The following PKHD1L1 variants were observed in gnomAD, a reference collection of about 807,000 sequenced individuals.
PKHD1L1 encodes the protein PKHD1 like 1.
PKHD1L1 carries 434 observed loss-of-function variants against 462.9 expected under a neutral mutation model. The ratio of observed to expected loss-of-function variants is 0.94; its 90% CI spans 0.87 to 1.02. PKHD1L1 has a LOEUF of 1.02. PKHD1L1 is among the 50% of genes least tolerant of loss of function. PKHD1L1 has a pLI of 0.00. For missense variants in PKHD1L1, 5,202 were observed against 5,096.1 expected (o/e 1.02, Z -0.63); for synonymous variants, 1,781 against 1,750.0 (o/e 1.02, Z -0.44).
chr8:109,459,744 T>A lies in PKHD1L1; in HGVS notation c.7154T>A (p.Val2385Asp). 6.2e-7 allele frequency: 1 copy of A among 1,611,848 alleles called. No individual in the cohort carries two copies. Among genetic ancestry groups the A allele is most frequent in the Non-Finnish European group, 8.5e-7 (1 of 1,178,802 alleles). The change falls in exon 47 of 78, where the codon GTT becomes GAT. Residue 2385 changes from valine to aspartate, a missense_variant. Transcript: ENST00000378402. ...DGTLFEARAE[V>D]GILTRNILIR... ...ACTCTGTTTGAAGCAAGAGCAGAAG[T>A]TGGAATTCTTACAAGAAATATTTTA...
intron 2 of PKHD1L1, among the ~76,000 whole-genome samples, chr8:109,374,731 A>C (rs1286287934): frequency 6.6e-6 from 1 of 152,184 alleles, no homozygotes; most frequent in South Asian, 2.1e-4. Flanking sequence ...GCTTGTCTGT[A>C]AAGTATTTTA....
chr8:109,503,742 C>A (rs1262144450), intron 67 of PKHD1L1, among the ~76,000 whole-genome samples: 2 of 152,164 alleles, frequency 1.3e-5, no homozygotes, highest in Non-Finnish European at 2.9e-5. Flanking sequence ...TTTAAACAAC[C>A]ATTTAGCTCA....
In PKHD1L1 at chr8:109,466,708, G is replaced by A. The variant is rs199600030; in HGVS notation, c.8544G>A (p.Ala2848=). Reference sequence around the variant, plus strand: ...CTTCAGTCAGCTTTCACCGTTTAGCGTTCAACCAGCCTTCTCCAGTATCTC... The same window carrying A: ...CTTCAGTCAGCTTTCACCGTTTAGCATTCAACCAGCCTTCTCCAGTATCTC... ...CDASVSFHRL[A]FNQPSPVSLL... Residue 2848 remains alanine, a synonymous_variant, in exon 50 of 78, where the codon GCG becomes GCA. Transcript: ENST00000378402. 6.4e-5 allele frequency: 104 copies of A among 1,612,764 alleles called. No individual in the cohort carries two copies. Among genetic ancestry groups the A allele is most frequent in the Non-Finnish European group, 7.9e-5 (93 of 1,179,518 alleles).
chr8:109,417,014 C>A (rs760643253), intron 21 of PKHD1L1, among the ~76,000 whole-genome samples: 2 of 152,126 alleles, frequency 1.3e-5, no homozygotes, highest in Non-Finnish European at 2.9e-5. Flanking sequence ...ATCAAGTCAT[C>A]ACTTACCATA....
At position 109,530,770 on chromosome 8, in the gene PKHD1L1, C is replaced by T. The variant is rs1222606765; in HGVS notation, c.*680C>T. 1.3e-5 allele frequency among the ~76,000 whole-genome samples: 2 copies of T among 152,104 alleles called. 1 individual carries two copies. Among genetic ancestry groups the T allele is most frequent in the Non-Finnish European group, 2.9e-5 (2 of 68,030 alleles). ...CCAAACTCCTTCTCTGCCTACCCCT[C>T]CTTCCCACTCAAAACTGCCACTACT... On this transcript the variant is annotated 3_prime_UTR_variant, in exon 78 of 78. Coordinates refer to ENST00000378402, the MANE Select transcript of PKHD1L1 (RefSeq NM_177531.6).
chr8:109,489,911 T>C, intron 59 of PKHD1L1, 41 bp from the exon 60 acceptor site: 1 of 1,242,842 alleles, frequency 8.0e-7, no homozygotes, highest in Non-Finnish European at 1.2e-6. Flanking sequence ...TTATTCCAAC[T>C]GTTTTAAGAA....
At chr8:109,449,637 T>A in intron 40 of PKHD1L1, 150 bp downstream of exon 40, 1 of 614,782 alleles carries the variant, frequency 1.6e-6, no homozygotes, top group Non-Finnish European at 2.5e-6. Context: ...TCAGGACATT[T>A]TCTAGATTTA....
At chr8:109,370,238 C>A (rs541213853) in intron 2 of PKHD1L1, among the ~76,000 whole-genome samples, 1 of 152,218 alleles carries the variant, frequency 6.6e-6, no homozygotes, top group East Asian at 1.9e-4. Flanking sequence ...CCTGCTTCAA[C>A]CTCCCGAGTA....
chr8:109,432,840 A>G (rs6996280), intron 27 of PKHD1L1, among the ~76,000 whole-genome samples: 3,788 of 152,286 alleles, frequency 0.025, 153 homozygotes, highest in African/African-American at 0.087. Flanking sequence ...ATCTTATGCC[A>G]TATTTTCAAT....
At chr8:109,500,810 T>C (rs2130952451) in intron 67 of PKHD1L1, among the ~76,000 whole-genome samples, 1 of 152,194 alleles carries the variant, frequency 6.6e-6, no homozygotes, top group South Asian at 2.1e-4. Flanking sequence ...GCCTTCATTC[T>C]ATAGAATAGG....
In PKHD1L1 at chr8:109,396,103, T is replaced by G. The variant is rs1812960141; in HGVS notation, c.888T>G (p.Asp296Glu). 3 of 1,608,990 alleles carry G rather than the reference T, an allele frequency of 1.9e-6. No homozygotes were observed. The East Asian group carries it at 6.7e-5, about 36-fold the overall frequency. The change falls in exon 11 of 78, where the codon GAT becomes GAG. Residue 296 changes from aspartate to glutamate, a missense_variant. Asp to Glu is a conservative substitution (Grantham distance 45). Coordinates refer to ENST00000378402, the MANE Select transcript of PKHD1L1 (RefSeq NM_177531.6). The part of the protein sequence containing the change: ...TTLTISGRFF[D>E]QTDFPVRVLV... ...TGACAATAAGTGGGCGTTTCTTTGA[T>G]CAGACAGATTTCCCCGTCAGAGTTC...
Position 109,452,767 on chromosome 8 carries a change from G to C in PKHD1L1, c.6557G>C (p.Trp2186Ser), listed in dbSNP as rs1816606349. 1 of 1,536,670 alleles carries C rather than the reference G, an allele frequency of 6.5e-7. No individual in the cohort carries two copies. Among genetic ancestry groups the C allele is most frequent in the Non-Finnish European group, 8.8e-7 (1 of 1,142,350 alleles). ...GATGCCTGGTCCTCCAATTTCTCAT[G>C]GGGGGGAAAATCTCCCCCAGAAGAA... ...YVDAWSSNFS[W>S]GGKSPPEEGS... The change falls in exon 43 of 78, where the codon TGG (tryptophan) becomes TCG (serine). Residue 2186 changes from tryptophan to serine, a missense_variant. Around this residue, in one of 3 missense-constraint regions of PKHD1L1, gnomAD observed 4,497 missense variants for 4,336.8 expected, o/e 1.04. Transcript: ENST00000378402.
chr8:109,436,325 T>C lies in PKHD1L1; in HGVS notation c.3506-13T>C. ...CTGTTTTGTTGTTGTTTTTGTTTGCTTTTCTTATGAAGGTGGTACTCTACT... is the reference window on the plus strand; with the variant it reads ...CTGTTTTGTTGTTGTTTTTGTTTGCCTTTCTTATGAAGGTGGTACTCTACT... On this transcript the variant is annotated splice_polypyrimidine_tract_variant and intron_variant, in intron 29 of 77. Coordinates refer to ENST00000378402, the MANE Select transcript of PKHD1L1 (RefSeq NM_177531.6). 6.3e-7 allele frequency: 1 copy of C among 1,599,144 alleles called. No individual in the cohort carries two copies. Among genetic ancestry groups the C allele is most frequent in the South Asian group, 1.1e-5 (1 of 87,498 alleles).
At chr8:109,390,569 G>A (rs768346958) in intron 9 of PKHD1L1, 75 bp downstream of exon 9, 215 of 861,194 alleles carry the variant, frequency 2.5e-4, no homozygotes, top group Middle Eastern at 1.1e-3. Context: ...TATTTAGTTT[G>A]TGCTGTAGAT....
intron 2 of PKHD1L1, among the ~76,000 whole-genome samples, chr8:109,378,587 C>T (rs1364634898): frequency 6.6e-6 from 1 of 152,146 alleles, no homozygotes; most frequent in African/African-American, 2.4e-5. Context: ...CATCCTGTGT[C>T]CCACTTCACA....
At chr8:109,443,655 G>C (rs767532074) in intron 36 of PKHD1L1, 21 bp from the exon 37 acceptor site, 1 of 1,567,902 alleles carries the variant, frequency 6.4e-7, no homozygotes, top group Non-Finnish European at 8.7e-7. Context: ...ATGACTTAAC[G>C]GGCAGTTCTT....
Position 109,472,091 on chromosome 8 carries a change from T to TA in PKHD1L1, c.8606-3019dup, listed in dbSNP as rs397730478. ...AGAAGTCTTAATTGTGTTTATTTTT[T>TA]AAAAAAAATAATGTTAGACTTGTGC... On this transcript the variant is annotated intron_variant, in intron 50 of 77. Transcript: ENST00000378402. Among the ~76,000 whole-genome samples the TA allele has an allele frequency of 1.5e-3, 235 of 151,678 alleles. 1 individual carries two copies. The highest frequency in any genetic ancestry group is 0.015 in the South Asian group (71 of 4,786).
intron 2 of PKHD1L1, among the ~76,000 whole-genome samples, chr8:109,378,307 T>A (rs1811940655): frequency 6.6e-6 from 1 of 152,200 alleles, no homozygotes. Context: ...TTAGACAGTG[T>A]GAGTCACATG....
At chr8:109,524,880 C>T (rs1201825688) in intron 76 of PKHD1L1, among the ~76,000 whole-genome samples, 3 of 149,240 alleles carry the variant, frequency 2.0e-5, no homozygotes, top group Non-Finnish European at 4.4e-5. Flanking sequence ...CCTCTGTCCT[C>T]TCTGTTACCC....
Sources: allele counts gnomAD v4.1 joint callset (sites outside exome capture counted in the v4.1 genomes callset), GRCh38; gene constraint gnomAD v4.1.1; regional missense constraint gnomAD v4.1.1; transcripts MANE v1.5; gene names NCBI Gene and HGNC (gene_info 2026-07-23, HGNC 2026-07-21).